Variants in WDR64 observed in about 807,000 individuals in gnomAD.
The protein encoded by WDR64 is WD repeat-containing protein 64.
WDR64 carries 112 observed loss-of-function variants against 139.3 expected under a neutral mutation model. That is an observed-to-expected ratio of 0.80 (90% CI 0.69 to 0.94). The LOEUF is 0.94. Among genes scored for constraint, WDR64 ranks in the 40% least tolerant of loss-of-function variants. WDR64 has a pLI of 0.00. For synonymous variants in WDR64, 444 were observed against 437.7 expected, an observed-to-expected ratio of 1.01 and a Z score of -0.18; for missense variants, 1,206 against 1,293.1, an observed-to-expected ratio of 0.93 and a Z score of 1.03.
At chr1:241,760,641 C>G (rs1670392685) in intron 15 of WDR64, among the ~76,000 whole-genome samples, 1 of 149,646 alleles carries the variant, frequency 6.7e-6, no homozygotes, top group African/African-American at 2.4e-5. Context: ...ATAGTCCAAG[C>G]ATGTATTAGC....
At chr1:241,676,686 A>C (rs770177005) in intron 4 of WDR64, among the ~76,000 whole-genome samples, 29 of 152,322 alleles carry the variant, frequency 1.9e-4, no homozygotes, top group Non-Finnish European at 4.0e-4. Context: ...AAACGTGCAA[A>C]CACATATGTT....
chr1:241,800,270 T>C (rs1387838394), intron 27 of WDR64, among the ~76,000 whole-genome samples: 2 of 152,156 alleles, frequency 1.3e-5, no homozygotes, highest in East Asian at 1.9e-4. Context: ...CCGTAAGTGG[T>C]TGAATCTTGA....
chr1:241,795,780 C>A (rs1202088938), intron 26 of WDR64, among the ~76,000 whole-genome samples: 1 of 152,152 alleles, frequency 6.6e-6, no homozygotes, highest in Admixed American at 6.5e-5. Flanking sequence ...CCCCAGGTAA[C>A]CTTTGTTAGA....
rs1226309300 is a variant in WDR64, at chr1:241,775,180, T to C, written c.2506T>C (p.Cys836Arg). ...ISLTSLYTDS[C>R]TRILLAGNVE... Reference sequence around the variant, plus strand: ...TCTGACATCGCTGTATACTGATTCATGTACGAGGATACTACTGGCTGGAAA... The same window carrying C: ...TCTGACATCGCTGTATACTGATTCACGTACGAGGATACTACTGGCTGGAAA... Residue 836 changes from cysteine (C) to arginine (R), a missense_variant, in exon 21 of 28, where the codon TGT (cysteine) becomes CGT (arginine). Transcript: ENST00000437684. 1 of 1,550,872 alleles carries C rather than the reference T, an allele frequency of 6.4e-7. No homozygotes were observed. Among genetic ancestry groups the C allele is most frequent in the East Asian group, 2.4e-5 (1 of 40,884 alleles).
In WDR64 at chr1:241,770,649, T is replaced by G. The variant is rs1411167362; in HGVS notation, c.2212T>G (p.Ser738Ala). 1 of 1,551,492 alleles carries G rather than the reference T, an allele frequency of 6.4e-7. No homozygotes were observed. The highest frequency in any genetic ancestry group is 2.0e-5 in the Admixed American group (1 of 50,966). Reference sequence around the variant, plus strand: ...ATCAAGTCAGGATTCCATATGTTCTTCATCCCAGTGTGAATCCAGCAAAGG... The same window carrying G: ...ATCAAGTCAGGATTCCATATGTTCTGCATCCCAGTGTGAATCCAGCAAAGG... ...RRSSQDSICS[S>A]SQCESSKGPQ... The change falls in exon 18 of 28, where the codon TCA (serine) becomes GCA (alanine). Residue 738 changes from serine (S) to alanine (A), a missense_variant. Physicochemically the swap from Ser to Ala is moderately conservative, Grantham distance 99. Transcript: ENST00000437684.
At chr1:241,797,004 C>T (rs565868524) in intron 27 of WDR64, among the ~76,000 whole-genome samples, 1 of 152,274 alleles carries the variant, frequency 6.6e-6, no homozygotes, top group South Asian at 2.1e-4. Flanking sequence ...GCTGTATAAC[C>T]ATCCTTGTGT....
chr1:241,766,492 G>T, intron 16 of WDR64, 141 bp downstream of exon 16: 1 of 923,952 alleles, frequency 1.1e-6, no homozygotes, highest in South Asian at 2.0e-5. Context: ...CTTAAGGCCA[G>T]GAGTTCGAGA....
intron 20 of WDR64, among the ~76,000 whole-genome samples, chr1:241,774,265 C>CT (rs1259274434): frequency 1.3e-5 from 2 of 152,304 alleles, no homozygotes; most frequent in African/African-American, 2.4e-5. Context: ...AGATAAAACT[C>CT]TAAGTGTACC....
At chr1:241,799,218 A>AAAAATAC (rs1235159206) in intron 27 of WDR64, among the ~76,000 whole-genome samples, 1 of 132,764 alleles carries the variant, frequency 7.5e-6, no homozygotes, top group African/African-American at 2.7e-5. Context: ...AAAAAAAAAA[A>AAAAATAC]AAAAATACAA....
At chr1:241,762,617 G>C (rs2148286240) in intron 15 of WDR64, among the ~76,000 whole-genome samples, 1 of 152,130 alleles carries the variant, frequency 6.6e-6, no homozygotes, top group Non-Finnish European at 1.5e-5. Flanking sequence ...AGCTTTTAGA[G>C]AGATAAGTGG....
At chr1:241,701,275 C>T (rs569132367) in intron 8 of WDR64, among the ~76,000 whole-genome samples, 31 of 146,700 alleles carry the variant, frequency 2.1e-4, no homozygotes, top group East Asian at 5.8e-4. Flanking sequence ...CGTGCACATG[C>T]GCGCACACAC....
Position 241,779,686 on chromosome 1 carries a change from C to T in WDR64, c.2537-318C>T, listed in dbSNP as rs144333842. 7.9e-3 allele frequency among the ~76,000 whole-genome samples: 1,200 copies of T among 152,050 alleles called. 15 individuals carry two copies. Among genetic ancestry groups the T allele is most frequent in the African/African-American group, 0.026 (1,093 of 41,476 alleles). On this transcript the variant is annotated intron_variant, in intron 21 of 27. Transcript: ENST00000437684. ...ACTAAAAATACAAAAAAAAATTAGC[C>T]GGGCGTGGTGGCAGGCACCTGTAAT...
intron 26 of WDR64, among the ~76,000 whole-genome samples, chr1:241,795,738 C>T (rs1659344662): frequency 6.6e-6 from 1 of 152,264 alleles, no homozygotes; most frequent in East Asian, 1.9e-4. Flanking sequence ...TCTTGTTTCC[C>T]TCAAAATCCC....
At chr1:241,660,282 T>G (rs2148055109) in intron 1 of WDR64, among the ~76,000 whole-genome samples, 1 of 152,348 alleles carries the variant, frequency 6.6e-6, no homozygotes, top group Non-Finnish European at 1.5e-5. Flanking sequence ...GTGTGTGTTC[T>G]TCTACCAGTA....
intron 18 of WDR64, among the ~76,000 whole-genome samples, 194 bp downstream of exon 18, chr1:241,770,884 T>A (rs147264532): frequency 1.4e-4 from 22 of 152,376 alleles, no homozygotes; most frequent in Non-Finnish European, 2.4e-4. Flanking sequence ...CAATTTTATA[T>A]ATTTTTCAAT....
intron 15 of WDR64, among the ~76,000 whole-genome samples, chr1:241,758,784 AT>A (rs1670308790): frequency 1.3e-5 from 2 of 152,130 alleles, no homozygotes; most frequent in South Asian, 4.1e-4. Flanking sequence ...CATCTTGTAC[AT>A]TTCTTTCCAG....
chr1:241,658,217 T>C (rs1439199734), intron 1 of WDR64, among the ~76,000 whole-genome samples: 1 of 152,128 alleles, frequency 6.6e-6, no homozygotes, highest in Non-Finnish European at 1.5e-5. Context: ...AATTCCTTCT[T>C]GTCCTTAGAT....
chr1:241,692,025 A>T (rs976867386), intron 8 of WDR64, among the ~76,000 whole-genome samples: 31 of 151,782 alleles, frequency 2.0e-4, no homozygotes, highest in East Asian at 9.7e-4. Flanking sequence ...AAAAATAAAA[A>T]AATAAAAAAA....
At chr1:241,783,700 C>A (rs750451627) in intron 23 of WDR64, among the ~76,000 whole-genome samples, 2 of 152,016 alleles carry the variant, frequency 1.3e-5, no homozygotes, top group Non-Finnish European at 2.9e-5. Context: ...AGACCCAAGT[C>A]ATAGAGGGGG....
Sources: allele counts gnomAD v4.1 joint callset (sites outside exome capture counted in the v4.1 genomes callset), GRCh38; gene constraint gnomAD v4.1.1; transcripts MANE v1.5; gene names NCBI Gene and HGNC (gene_info 2026-07-23, HGNC 2026-07-21).